Variants in ING4 observed in about 807,000 individuals in gnomAD.
ING4 encodes the protein inhibitor of growth family member 4, also known as inhibitor of growth protein 4.
In ING4, 28 loss-of-function variants were observed where a neutral mutation model predicts 33.1. The ratio of observed to expected loss-of-function variants is 0.85; its 90% CI spans 0.63 to 1.16. The LOEUF is 1.16. ING4 is among the 50% of genes most tolerant of loss of function. The pLI, the probability that ING4 is intolerant of heterozygous loss-of-function variation, is 0.00. For missense variants in ING4, 247 were observed against 314.7 expected (o/e 0.78, Z 1.63); for synonymous variants, 87 against 104.4 (o/e 0.83, Z 1.02).
At chr12:6,653,097 T>C in intron 3 of ING4, 47 bp from the exon 4 acceptor site, 1 of 1,601,772 alleles carries the variant, frequency 6.2e-7, no homozygotes, top group Non-Finnish European at 8.6e-7. Flanking sequence ...CTATCTCCAA[T>C]TAAAGAAAAT....
At chr12:6,659,404 G>C (rs1949474864) in intron 1 of ING4, among the ~76,000 whole-genome samples, 1 of 152,110 alleles carries the variant, frequency 6.6e-6, no homozygotes, top group Non-Finnish European at 1.5e-5. Flanking sequence ...ATACTTGGGA[G>C]GCTGAGGCAC....
At chr12:6,662,909 G>A (rs528563625) in intron 1 of ING4, among the ~76,000 whole-genome samples, 156 bp downstream of exon 1, 5 of 151,260 alleles carry the variant, frequency 3.3e-5, no homozygotes, top group South Asian at 4.2e-4. Flanking sequence ...CTGCTGCCCC[G>A]CCCCCTCTTT....
intron 1 of ING4, chr12:6,657,858 A>C (rs1244602166): frequency 6.8e-6 from 1 of 146,276 alleles, no homozygotes; most frequent in Non-Finnish European, 1.5e-5. Context: ...TGAACCTGGG[A>C]GGCAGAGGTT....
intron 3 of ING4, 75 bp from the exon 4 acceptor site, chr12:6,653,125 A>C (rs1565399033): frequency 6.3e-7 from 1 of 1,593,988 alleles, no homozygotes; most frequent in Non-Finnish European, 8.6e-7. Context: ...GGCAGAGTTT[A>C]TGGATCTCAC....
At position 6,651,327 on chromosome 12, in the gene ING4, T is replaced by C. The variant is rs763315561; in HGVS notation, c.704A>G (p.Lys235Arg). The change falls in exon 7 of 8, where the codon AAA becomes AGA. Residue 235 changes from lysine to arginine, a missense_variant. This residue lies in a region of ING4 where 38 missense variants were observed against 49.7 expected (regional missense o/e 0.77). Transcript: ENST00000341550. ...CVGLTTKPRGKWFCPRCSQER... is the reference protein window; with the variant it reads ...CVGLTTKPRGRWFCPRCSQER... ...CCCTCCAACTCCTGCCACTTACCAT[T>C]TCCCCCGAGGCTTGGTTGTCAGCCC... The C allele has an allele frequency of 1.9e-5, 30 of 1,613,988 alleles. No individual in the cohort carries two copies. The highest frequency in any genetic ancestry group is 2.1e-5 in the Non-Finnish European group (25 of 1,180,006).
chr12:6,662,258 T>C (rs1445527406), intron 1 of ING4, among the ~76,000 whole-genome samples: 2 of 152,178 alleles, frequency 1.3e-5, no homozygotes, highest in Non-Finnish European at 2.9e-5. Flanking sequence ...CCCAGGTAAT[T>C]ACCCCCCTTT....
intron 1 of ING4, among the ~76,000 whole-genome samples, chr12:6,659,617 C>T (rs1949481496): frequency 6.6e-6 from 1 of 152,084 alleles, no homozygotes; most frequent in Admixed American, 6.6e-5. Flanking sequence ...TTGAGACCAT[C>T]CTGGCTAACA....
At chr12:6,654,848 C>G (rs1293171018) in intron 2 of ING4, among the ~76,000 whole-genome samples, 1 of 151,882 alleles carries the variant, frequency 6.6e-6, no homozygotes, top group East Asian at 1.9e-4. Context: ...CCTCAGTCTC[C>G]CAAGTAGCTG....
intron 4 of ING4, 58 bp from the exon 5 acceptor site, chr12:6,652,825 C>T: frequency 6.3e-7 from 1 of 1,576,750 alleles, no homozygotes; most frequent in South Asian, 1.1e-5. Context: ...GGGTTAAGTC[C>T]TCTTCTCTCC....
intron 2 of ING4, among the ~76,000 whole-genome samples, chr12:6,656,178 T>C (rs1949347278): frequency 6.6e-6 from 1 of 151,802 alleles, no homozygotes; most frequent in East Asian, 1.9e-4. Context: ...CTTCTTTTTT[T>C]TTTTTTTTGA....
chr12:6,652,282 C>T lies in ING4; in HGVS notation c.634G>A (p.Asp212Asn). 1 of 1,613,980 alleles carries T rather than the reference C, an allele frequency of 6.2e-7. No homozygotes were observed. Among genetic ancestry groups the T allele is most frequent in the Non-Finnish European group, 8.5e-7 (1 of 1,179,924 alleles). Reference protein sequence around the residue: ...QVSYGEMIGCDNPDCSIEWFH... With the variant: ...QVSYGEMIGCNNPDCSIEWFH... The stretch of plus-strand genomic sequence containing the variant: ...AAAATGTTTCTCACATCAGGGTTGT[C>T]ACAGCCAATCATCTCTCCATAGGAG... Residue 212 changes from aspartate (D) to asparagine (N), a missense_variant, in exon 6 of 8, where the codon GAC becomes AAC. By Grantham distance (23) the Asp-to-Asn change is conservative. Coordinates refer to ENST00000341550, the MANE Select transcript of ING4 (RefSeq NM_016162.4).
In ING4 at chr12:6,652,772, TAGGGAAGAGGGAGAAA is replaced by T; in HGVS notation, c.392-21_392-6del. On this transcript the variant is annotated splice_region_variant and splice_polypyrimidine_tract_variant and intron_variant, in intron 4 of 7. Coordinates refer to ENST00000341550, the MANE Select transcript of ING4 (RefSeq NM_016162.4). ...TCTTCTCCTTTTGAGTCCGGCCTTC[TAGGGAAGAGGGAGAAA>T]GCCAGAAGGCAGGGAGACAGAAAGA... 2 of 1,613,764 alleles carry T rather than the reference TAGGGAAGAGGGAGAAA, an allele frequency of 1.2e-6. No individual in the cohort carries two copies. Among genetic ancestry groups the T allele is most frequent in the Non-Finnish European group, 1.7e-6 (2 of 1,179,782 alleles).
At position 6,651,055 on chromosome 12, in the gene ING4, G is replaced by T; in HGVS notation, c.*140C>A. 2 of 920,822 alleles carry T rather than the reference G, an allele frequency of 2.2e-6. No homozygotes were observed. The highest frequency in any genetic ancestry group is 3.4e-6 in the Non-Finnish European group (2 of 584,762). 57.0% of individuals were successfully genotyped at this position (920,822 alleles called of 1,614,324 possible). A position where few individuals can be genotyped will look rare whatever the true frequency, so the allele number is the denominator to read the frequency against. ...TGATGCAGCCTCAGCACCGGGAGTG[G>T]GGAGAGGGGAGGAGAAGGGATGACA... On this transcript the variant is annotated 3_prime_UTR_variant, in exon 8 of 8. Coordinates refer to ENST00000341550, the MANE Select transcript of ING4 (RefSeq NM_016162.4).
chr12:6,655,760 C>T, intron 2 of ING4: 1 of 450,606 alleles, frequency 2.2e-6, no homozygotes, highest in African/African-American at 2.0e-5. Context: ...TCTGTTACAT[C>T]CTTGAACATG....
At chr12:6,655,577 C>T in intron 2 of ING4, 1 of 1,098,448 alleles carries the variant, frequency 9.1e-7, no homozygotes, top group Non-Finnish European at 1.1e-6. Flanking sequence ...CTCCAACTGT[C>T]TTTCCATGCA....
At chr12:6,659,539 G>A (rs1427314572) in intron 1 of ING4, among the ~76,000 whole-genome samples, 1 of 151,298 alleles carries the variant, frequency 6.6e-6, no homozygotes. Flanking sequence ...TAGGCCAGGC[G>A]CGGTGGCTCA....
intron 1 of ING4, among the ~76,000 whole-genome samples, chr12:6,657,554 C>T (rs1217272469): frequency 6.6e-6 from 1 of 152,174 alleles, no homozygotes; most frequent in African/African-American, 2.4e-5. Context: ...CATGACAGGC[C>T]ATGCTTAACT....
At chr12:6,654,982 C>T (rs1399543261) in intron 2 of ING4, among the ~76,000 whole-genome samples, 1 of 152,178 alleles carries the variant, frequency 6.6e-6, no homozygotes, top group Non-Finnish European at 1.5e-5. Flanking sequence ...GCCTCGGCCT[C>T]CCAAAGTACT....
chr12:6,653,202 A>C, intron 3 of ING4, 28 bp downstream of exon 3: 2 of 1,612,376 alleles, frequency 1.2e-6, no homozygotes, highest in South Asian at 2.2e-5. Flanking sequence ...GATGGGAAGT[A>C]GGTGGGGAGC....
Sources: allele counts gnomAD v4.1 joint callset (sites outside exome capture counted in the v4.1 genomes callset), GRCh38; gene constraint gnomAD v4.1.1; regional missense constraint gnomAD v4.1.1; transcripts MANE v1.5; gene names NCBI Gene and HGNC (gene_info 2026-07-23, HGNC 2026-07-21).